The following ADAM23 variants were observed in gnomAD, a reference collection of about 807,000 sequenced individuals.
ADAM23 encodes ADAM metallopeptidase domain 23.
A neutral mutation model predicts 120.1 loss-of-function variants in ADAM23; 33 were observed. The observed-to-expected ratio is 0.27, with a 90% confidence interval of 0.21 to 0.37. The LOEUF is 0.37. Ranked by LOEUF, ADAM23 falls within the 10% of genes least tolerant of loss-of-function variation. ADAM23 has a pLI of 1.00. For synonymous variants in ADAM23, 367 were observed against 375.2 expected, an observed-to-expected ratio of 0.98 and a Z score of 0.25; for missense variants, 862 against 1,058.2, an observed-to-expected ratio of 0.81 and a Z score of 2.57.
At chr2:206,583,550 C>G (rs1574548553) in intron 18 of ADAM23, among the ~76,000 whole-genome samples, 1 of 150,820 alleles carries the variant, frequency 6.6e-6, no homozygotes, top group Admixed American at 6.6e-5. Flanking sequence ...AGGTTTTGTT[C>G]ATATTTTCTT....
intron 3 of ADAM23, among the ~76,000 whole-genome samples, chr2:206,512,869 T>C (rs1208039129): frequency 6.6e-6 from 1 of 152,216 alleles, no homozygotes; most frequent in Non-Finnish European, 1.5e-5. Context: ...CATATTTTGG[T>C]AATTCTCGCA....
chr2:206,572,141 T>G (rs1474905212), intron 17 of ADAM23, among the ~76,000 whole-genome samples: 1 of 152,218 alleles, frequency 6.6e-6, no homozygotes, highest in Non-Finnish European at 1.5e-5. Context: ...GTGGTCTTTT[T>G]AATAATATGA....
At chr2:206,466,163 G>A (rs967778440) in intron 2 of ADAM23, among the ~76,000 whole-genome samples, 6 of 152,036 alleles carry the variant, frequency 3.9e-5, no homozygotes, top group East Asian at 1.9e-4. Flanking sequence ...GTGAACTTTC[G>A]GAAAATCAAA....
chr2:206,497,579 T>C (rs1223310456), intron 3 of ADAM23, among the ~76,000 whole-genome samples: 1 of 152,170 alleles, frequency 6.6e-6, no homozygotes, highest in Non-Finnish European at 1.5e-5. Flanking sequence ...AGCATTCCCT[T>C]TGAAAACTGG....
At chr2:206,526,975 CTT>C (rs1017948793) in intron 3 of ADAM23, among the ~76,000 whole-genome samples, 2 of 152,146 alleles carry the variant, frequency 1.3e-5, no homozygotes, top group African/African-American at 4.8e-5. Flanking sequence ...AGTTCTTCCA[CTT>C]TCTTTCACTG....
chr2:206,523,673 A>T (rs1351421183), intron 3 of ADAM23, among the ~76,000 whole-genome samples: 1 of 152,100 alleles, frequency 6.6e-6, no homozygotes, highest in East Asian at 1.9e-4. Flanking sequence ...AAAAATTGTT[A>T]TACTTTTAAA....
chr2:206,573,709 G>A (rs560074300), intron 18 of ADAM23, among the ~76,000 whole-genome samples: 2 of 152,022 alleles, frequency 1.3e-5, no homozygotes. Flanking sequence ...CCAGATAACT[G>A]TATCAGCTGT....
chr2:206,574,760 A>G (rs373198666), intron 18 of ADAM23, among the ~76,000 whole-genome samples: 60 of 152,278 alleles, frequency 3.9e-4, no homozygotes, highest in African/African-American at 1.4e-3. Context: ...GTGGTTTGGC[A>G]TGATCTTCTT....
intron 3 of ADAM23, among the ~76,000 whole-genome samples, chr2:206,515,944 G>C (rs1256941857): frequency 6.6e-6 from 1 of 151,776 alleles, no homozygotes. Flanking sequence ...GTCAGAATTG[G>C]GCTGGGCTCT....
rs1383101622 is a variant in ADAM23 at position 206,562,199 on chromosome 2, A to G, written c.1255-4A>G. 1.9e-6 allele frequency: 3 copies of G among 1,613,468 alleles called. No homozygotes were observed. The highest frequency in any genetic ancestry group is 1.7e-6 in the Non-Finnish European group (2 of 1,179,520). ...TCCCACACACTTTCAACTCTGAAAAACAGTATGGTCTTCCAATGGCAGTGG... is the reference window on the plus strand; with the variant it reads ...TCCCACACACTTTCAACTCTGAAAAGCAGTATGGTCTTCCAATGGCAGTGG... On this transcript the variant is annotated splice_region_variant and splice_polypyrimidine_tract_variant and intron_variant, in intron 12 of 25. Coordinates refer to ENST00000264377, the MANE Select transcript of ADAM23 (RefSeq NM_003812.4).
intron 25 of ADAM23, among the ~76,000 whole-genome samples, chr2:206,613,906 A>T (rs1382125820): frequency 6.6e-6 from 1 of 152,230 alleles, no homozygotes; most frequent in African/African-American, 2.4e-5. Context: ...GGTGGTAGGA[A>T]AAGAGAAATT....
Position 206,543,281 on chromosome 2 carries a change from T to C in ADAM23, c.685T>C (p.Tyr229His). 1.2e-6 allele frequency: 2 copies of C among 1,614,100 alleles called. No homozygotes were observed. Among genetic ancestry groups the C allele is most frequent in the Non-Finnish European group, 1.7e-6 (2 of 1,179,978 alleles). Residue 229 changes from tyrosine to histidine, a missense_variant, in exon 6 of 26, where the codon TAT becomes CAT. This residue lies in a region of ADAM23 where 617 missense variants were observed against 813.5 expected (regional missense o/e 0.76). Transcript: ENST00000264377. Reference protein sequence around the residue: ...HGMFEDDTFVYMIEPLELVHD... With the variant: ...HGMFEDDTFVHMIEPLELVHD... ...CATGTTTGAAGATGATACCTTCGTGTATATGATAGAGCCACTAGAGCTGGT... is the reference window on the plus strand; with the variant it reads ...CATGTTTGAAGATGATACCTTCGTGCATATGATAGAGCCACTAGAGCTGGT...
intron 3 of ADAM23, among the ~76,000 whole-genome samples, chr2:206,505,639 C>T (rs1328271997): frequency 1.3e-5 from 2 of 152,070 alleles, no homozygotes; most frequent in Admixed American, 6.6e-5. Flanking sequence ...CTCACTGTCA[C>T]GAAAACAGCA....
chr2:206,470,225 A>G lies in ADAM23; in HGVS notation c.433-11007A>G, dbSNP rs530611886. On this transcript the variant is annotated intron_variant, in intron 2 of 25. Coordinates refer to ENST00000264377, the MANE Select transcript of ADAM23 (RefSeq NM_003812.4). Reference sequence around the variant, plus strand: ...TAATATATAATCTGAGGAAATAGATATATTCCTCAGATACATAATAGACAT... The same window carrying G: ...TAATATATAATCTGAGGAAATAGATGTATTCCTCAGATACATAATAGACAT... 2.6e-5 allele frequency among the ~76,000 whole-genome samples: 4 copies of G among 152,256 alleles called. No individual in the cohort carries two copies. The South Asian group carries it at 8.3e-4, about 32-fold the overall frequency.
intron 3 of ADAM23, among the ~76,000 whole-genome samples, chr2:206,481,736 T>C (rs982533925): frequency 2.2e-4 from 34 of 152,194 alleles, no homozygotes; most frequent in African/African-American, 7.0e-4. Flanking sequence ...CAAATACCTA[T>C]TTTGAGAAGA....
At chr2:206,519,176 G>A (rs1329430063) in intron 3 of ADAM23, among the ~76,000 whole-genome samples, 1 of 152,100 alleles carries the variant, frequency 6.6e-6, no homozygotes, top group East Asian at 1.9e-4. Context: ...CCTGTGACAG[G>A]ATATGACAGC....
chr2:206,556,896 G>A (rs1274634765), intron 9 of ADAM23, among the ~76,000 whole-genome samples: 1 of 152,092 alleles, frequency 6.6e-6, no homozygotes, highest in African/African-American at 2.4e-5. Flanking sequence ...TGATCTGTGC[G>A]TGGCCTTGAA....
chr2:206,536,860 C>T (rs1357568519), intron 4 of ADAM23, among the ~76,000 whole-genome samples: 1 of 151,688 alleles, frequency 6.6e-6, no homozygotes, highest in African/African-American at 2.4e-5. Flanking sequence ...CACGTGCCAC[C>T]ACGCTTGGCT....
chr2:206,532,335 T>G (rs937814548), intron 4 of ADAM23, among the ~76,000 whole-genome samples: 1 of 152,090 alleles, frequency 6.6e-6, no homozygotes, highest in Non-Finnish European at 1.5e-5. Flanking sequence ...CTTTTTTTTT[T>G]TTTTTAAAGA....
Sources: allele counts gnomAD v4.1 joint callset (sites outside exome capture counted in the v4.1 genomes callset), GRCh38; gene constraint gnomAD v4.1.1; regional missense constraint gnomAD v4.1.1; transcripts MANE v1.5; gene names NCBI Gene and HGNC (gene_info 2026-07-23, HGNC 2026-07-21).